The following PCNX2 variants were observed in gnomAD, a reference collection of about 807,000 sequenced individuals.
The protein encoded by PCNX2 is pecanex 2.
PCNX2 carries 168 observed loss-of-function variants against 223.8 expected under a neutral mutation model. The ratio of observed to expected loss-of-function variants is 0.75; its 90% CI spans 0.66 to 0.85. PCNX2 has a LOEUF of 0.85. PCNX2 is among the 40% of genes least tolerant of loss of function. PCNX2 has a pLI of 0.00. For missense variants in PCNX2, 2,507 were observed against 2,675.5 expected (o/e 0.94, Z 1.39); for synonymous variants, 1,006 against 1,052.6 (o/e 0.96, Z 0.86).
intron 21 of PCNX2, among the ~76,000 whole-genome samples, chr1:233,098,247 T>G (rs1214331313): frequency 6.6e-6 from 1 of 152,210 alleles, no homozygotes; most frequent in African/African-American, 2.4e-5. Context: ...AGCTGATAAG[T>G]AGGTCAGCTA....
At chr1:233,251,890 C>T (rs955047141) in intron 7 of PCNX2, among the ~76,000 whole-genome samples, 2 of 152,202 alleles carry the variant, frequency 1.3e-5, no homozygotes, top group Non-Finnish European at 2.9e-5. Context: ...TAACAAGGTG[C>T]TGAAAAAATA....
At chr1:233,026,297 C>G (rs557370332) in intron 25 of PCNX2, among the ~76,000 whole-genome samples, 2 of 152,198 alleles carry the variant, frequency 1.3e-5, no homozygotes, top group African/African-American at 4.8e-5. Flanking sequence ...TGGGAACATA[C>G]TTATTATATG....
rs145466136 is a variant in PCNX2 at position 233,064,679 on chromosome 1, T to C, written c.4077-7389A>G. ...TTTGCTGTTTTCTGCTCCCTCTTTCTTTCTAGCCCTTGGGAATTTTCCAAC... is the reference window on the plus strand; with the variant it reads ...TTTGCTGTTTTCTGCTCCCTCTTTCCTTCTAGCCCTTGGGAATTTTCCAAC... On this transcript the variant is annotated intron_variant, in intron 23 of 33. Coordinates refer to ENST00000258229, the MANE Select transcript of PCNX2 (RefSeq NM_014801.4). Among the ~76,000 whole-genome samples the C allele has an allele frequency of 4.8e-3, 734 of 152,318 alleles. 9 individuals are homozygous for C. Among genetic ancestry groups the C allele is most frequent in the African/African-American group, 0.016 (682 of 41,580 alleles).
rs756841716 is a variant in PCNX2, at chr1:233,019,002, C to T, written c.4606-1848G>A. On this transcript the variant is annotated intron_variant, in intron 26 of 33. Coordinates refer to ENST00000258229, the MANE Select transcript of PCNX2 (RefSeq NM_014801.4). The stretch of plus-strand genomic sequence containing the variant: ...CCTTTTCTAGGGGGGCCCCCACCCT[C>T]CCTCTCTGGCTCTTCCCTCCCTCTG... The T allele has an allele frequency of 4.1e-5, 40 of 985,320 alleles. 1 individual carries two copies. The highest frequency in any genetic ancestry group is 4.6e-5 in the Non-Finnish European group (38 of 829,930). 61.0% of individuals were successfully genotyped at this position (985,320 alleles called of 1,614,324 possible). A position where few individuals can be genotyped will look rare whatever the true frequency, so the allele number is the denominator to read the frequency against.
At position 233,167,862 on chromosome 1, in the gene PCNX2, A is replaced by G. The variant is rs548738187; in HGVS notation, c.3274-6499T>C. Reference sequence around the variant, plus strand: ...ACTTTTTGCTCATTTAAATGTATATACCTTTCCACCTTCTATAAGATATAA... The same window carrying G: ...ACTTTTTGCTCATTTAAATGTATATGCCTTTCCACCTTCTATAAGATATAA... On this transcript the variant is annotated intron_variant, in intron 17 of 33. Coordinates refer to ENST00000258229, the MANE Select transcript of PCNX2 (RefSeq NM_014801.4). 2.0e-5 allele frequency: 18 copies of G among 904,408 alleles called. No homozygotes were observed. The Middle Eastern group carries it at 1.7e-3, about 86-fold the overall frequency. The allele number at this position is 904,408 out of a possible 1,614,324, so 56.0% of individuals were successfully genotyped here. A position where few individuals can be genotyped will look rare whatever the true frequency, so the allele number is the denominator to read the frequency against.
At chr1:233,245,398 G>A in intron 8 of PCNX2, among the ~76,000 whole-genome samples, 1 of 152,220 alleles carries the variant, frequency 6.6e-6, no homozygotes, top group Non-Finnish European at 1.5e-5. Context: ...AAAGATGAGA[G>A]TTTCAAAAGG....
At chr1:233,269,951 C>A (rs1332221342) in intron 1 of PCNX2, among the ~76,000 whole-genome samples, 1 of 152,214 alleles carries the variant, frequency 6.6e-6, no homozygotes, top group African/African-American at 2.4e-5. Flanking sequence ...AGAATTCAGA[C>A]TGAGCAATAT....
At chr1:233,063,137 G>T (rs967834591) in intron 23 of PCNX2, among the ~76,000 whole-genome samples, 3 of 152,038 alleles carry the variant, frequency 2.0e-5, no homozygotes, top group African/African-American at 7.2e-5. Context: ...CTCGGAAGGT[G>T]GAGGCAGGAG....
At position 233,256,426 on chromosome 1, in the gene PCNX2, G is replaced by A. The variant is rs908707364; in HGVS notation, c.1834+1602C>T. On this transcript the variant is annotated intron_variant, in intron 5 of 33. Coordinates refer to ENST00000258229, the MANE Select transcript of PCNX2 (RefSeq NM_014801.4). ...AGCTGGTATTACTGAACCAAAATCT[G>A]GCCTTGGGCTATCTGATTCCAAAGT... Among the ~76,000 whole-genome samples the A allele has an allele frequency of 5.7e-4, 86 of 152,084 alleles. 1 individual carries two copies. The highest frequency in any genetic ancestry group is 2.0e-3 in the African/African-American group (82 of 41,398).
intron 9 of PCNX2, 42 bp from the exon 10 acceptor site, chr1:233,227,413 G>A: frequency 6.3e-7 from 1 of 1,586,094 alleles, no homozygotes; most frequent in Non-Finnish European, 8.6e-7. Context: ...AGGGCTTTAT[G>A]TTGTCATGGC....
At chr1:233,142,060 G>T (rs1304345100) in intron 19 of PCNX2, among the ~76,000 whole-genome samples, 1 of 152,182 alleles carries the variant, frequency 6.6e-6, no homozygotes, top group Non-Finnish European at 1.5e-5. Flanking sequence ...GAGCAAGGAT[G>T]TTGGGCAGGA....
chr1:233,218,023 G>A lies in PCNX2; in HGVS notation c.2658+8C>T, dbSNP rs370626927. The A allele has an allele frequency of 1.1e-5, 17 of 1,610,568 alleles. No homozygotes were observed. The highest frequency in any genetic ancestry group is 1.4e-5 in the Non-Finnish European group (16 of 1,178,498). On this transcript the variant is annotated splice_region_variant and intron_variant, in intron 11 of 33. Coordinates refer to ENST00000258229, the MANE Select transcript of PCNX2 (RefSeq NM_014801.4). Reference sequence around the variant, plus strand: ...CACGCTACTGGTAAGAATTAGATGTGGTCTTGCCTTTAGCAGGGAGTACTG... The same window carrying A: ...CACGCTACTGGTAAGAATTAGATGTAGTCTTGCCTTTAGCAGGGAGTACTG...
intron 21 of PCNX2, among the ~76,000 whole-genome samples, chr1:233,129,747 G>A (rs149423765): frequency 3.3e-5 from 5 of 152,332 alleles, no homozygotes; most frequent in African/African-American, 1.2e-4. Context: ...CTAAGGGATT[G>A]TAAACACACC....
intron 8 of PCNX2, among the ~76,000 whole-genome samples, chr1:233,249,674 T>C (rs1659333052): frequency 1.3e-5 from 2 of 152,356 alleles, no homozygotes; most frequent in African/African-American, 2.4e-5. Context: ...GGAGTGACTT[T>C]GGGCACATGC....
At position 233,198,922 on chromosome 1, in the gene PCNX2, A is replaced by G. The variant is rs373055442; in HGVS notation, c.3066+17T>C. On this transcript the variant is annotated intron_variant, in intron 15 of 33. Coordinates refer to ENST00000258229, the MANE Select transcript of PCNX2 (RefSeq NM_014801.4). Reference sequence around the variant, plus strand: ...AATGAATCGAGAAGGATGAGGGCCCATGGTCCTCACACCTACCTTCACTGC... The same window carrying G: ...AATGAATCGAGAAGGATGAGGGCCCGTGGTCCTCACACCTACCTTCACTGC... The G allele has an allele frequency of 6.3e-6, 10 of 1,578,248 alleles. No individual in the cohort carries two copies. Among genetic ancestry groups the G allele is most frequent in the African/African-American group, 1.3e-5 (1 of 74,110 alleles).
chr1:233,152,302 T>G (rs1379934001), intron 19 of PCNX2, among the ~76,000 whole-genome samples: 6 of 152,264 alleles, frequency 3.9e-5, no homozygotes, highest in Non-Finnish European at 7.3e-5. Context: ...ATGACTATGT[T>G]ACTTTGCTAG....
chr1:233,312,799 G>T, the PCNX2 span, among the ~76,000 whole-genome samples: 1 of 152,038 alleles, frequency 6.6e-6, no homozygotes, highest in Non-Finnish European at 1.5e-5. Flanking sequence ...AGGATGTCTA[G>T]TAAAATAGGG....
chr1:233,227,109 G>A (rs1283082653), intron 10 of PCNX2, 117 bp downstream of exon 10: 1 of 1,223,440 alleles, frequency 8.2e-7, no homozygotes, highest in Non-Finnish European at 1.1e-6. Flanking sequence ...TGTCAGCAAA[G>A]GAAGCGTACA....
At chr1:233,283,390 A>T (rs977267713) in intron 1 of PCNX2, among the ~76,000 whole-genome samples, 1 of 152,234 alleles carries the variant, frequency 6.6e-6, no homozygotes, top group African/African-American at 2.4e-5. Context: ...TCCAAATGTA[A>T]TTCCCCACCA....
Sources: allele counts gnomAD v4.1 joint callset (sites outside exome capture counted in the v4.1 genomes callset), GRCh38; gene constraint gnomAD v4.1.1; transcripts MANE v1.5; gene names NCBI Gene and HGNC (gene_info 2026-07-23, HGNC 2026-07-21).